ALK: variants seen among roughly 807,000 people sequenced by gnomAD.
ALK encodes ALK receptor tyrosine kinase, also known as ALK tyrosine kinase receptor.
In ALK, 74 loss-of-function variants were observed where a neutral mutation model predicts 163.1. The observed-to-expected ratio is 0.45, with a 90% CI of 0.38 to 0.55. ALK has a LOEUF of 0.55. ALK is among the 20% of genes least tolerant of loss of function. The pLI is 0.00. For missense variants in ALK, 2,063 were observed against 2,105.3 expected (o/e 0.98, Z 0.39); for synonymous variants, 960 against 843.2 (o/e 1.14, Z -2.40).
At chr2:29,271,402 T>C (rs1361924441) in intron 11 of ALK, among the ~76,000 whole-genome samples, 3 of 152,244 alleles carry the variant, frequency 2.0e-5, no homozygotes, top group Non-Finnish European at 4.4e-5. Context: ...TGTGTGAAAG[T>C]GGACAGCCTG....
At chr2:29,446,687 G>A (rs7573496) in intron 4 of ALK, among the ~76,000 whole-genome samples, 3,127 of 152,260 alleles carry the variant, frequency 0.021, 94 homozygotes, top group African/African-American at 0.07. Context: ...TGACATACTT[G>A]GAATTAAGGC....
intron 3 of ALK, among the ~76,000 whole-genome samples, chr2:29,603,813 C>A (rs1386855811): frequency 6.6e-6 from 1 of 152,082 alleles, no homozygotes; most frequent in Non-Finnish European, 1.5e-5. Context: ...GCTTATGATT[C>A]CCCCTATGCC....
chr2:29,714,400 T>C (rs1679190334), intron 2 of ALK, among the ~76,000 whole-genome samples: 1 of 152,198 alleles, frequency 6.6e-6, no homozygotes, highest in African/African-American at 2.4e-5. Context: ...GGTCAAACTT[T>C]TTCCTCAAGC....
intron 1 of ALK, among the ~76,000 whole-genome samples, chr2:29,799,532 A>G (rs930807874): frequency 1.3e-5 from 2 of 151,820 alleles, no homozygotes; most frequent in African/African-American, 4.8e-5. Flanking sequence ...CAAACAAACA[A>G]ACAAAAAACA....
At chr2:29,741,297 C>T (rs1680051997) in intron 1 of ALK, among the ~76,000 whole-genome samples, 1 of 152,070 alleles carries the variant, frequency 6.6e-6, no homozygotes, top group Non-Finnish European at 1.5e-5. Flanking sequence ...AAAAGTGAAC[C>T]CTAATGTAAA....
intron 4 of ALK, among the ~76,000 whole-genome samples, chr2:29,404,504 A>T (rs2148317632): frequency 6.6e-6 from 1 of 152,322 alleles, no homozygotes; most frequent in East Asian, 1.9e-4. Flanking sequence ...ACTGTTCTAG[A>T]GGTAGGGCAA....
At chr2:29,715,182 T>C (rs778963654) in intron 2 of ALK, among the ~76,000 whole-genome samples, 1 of 152,196 alleles carries the variant, frequency 6.6e-6, no homozygotes, top group African/African-American at 2.4e-5. Flanking sequence ...GGCAGAAAGA[T>C]GTAAAGCCTC....
At chr2:29,213,778 A>G (rs755049334) in intron 24 of ALK, among the ~76,000 whole-genome samples, 1 of 152,170 alleles carries the variant, frequency 6.6e-6, no homozygotes, top group African/African-American at 2.4e-5. Flanking sequence ...GAGCCCAGAA[A>G]TTCGAGACCA....
In ALK at chr2:29,235,856, CTTTTTTTTTTTT is replaced by C. The variant is rs569363324; in HGVS notation, c.2356-2172_2356-2161del. 8.8e-3 allele frequency among the ~76,000 whole-genome samples: 337 copies of C among 38,312 alleles called. 2 individuals are homozygous for C. The Middle Eastern group carries it at 0.088, about 10-fold the overall frequency. The allele number at this position is 38,312 out of a possible 152,430, so 25.1% of individuals were successfully genotyped here. ...TACAGGCACAAGCTACCAGGCTCGA[CTTTTTTTTTTTT>C]TTTTTTTTTTTTTTTTTTTTTAAGA... On this transcript the variant is annotated intron_variant, in intron 13 of 28. Transcript: ENST00000389048.
intron 2 of ALK, among the ~76,000 whole-genome samples, chr2:29,705,132 C>A (rs1188126924): frequency 6.7e-6 from 1 of 149,610 alleles, no homozygotes; most frequent in Non-Finnish European, 1.5e-5. Flanking sequence ...GCAGGAGAAT[C>A]GCTTGAACTC....
In ALK at chr2:29,244,357, A is replaced by C. The variant is rs150043839; in HGVS notation, c.2205-4527T>G. Among the ~76,000 whole-genome samples, 525 of 152,264 alleles carry C rather than the reference A, an allele frequency of 3.4e-3. 2 individuals are homozygous for C. The highest frequency in any genetic ancestry group is 6.8e-3 in the Middle Eastern group (2 of 294). ...ATTGTGATGACACATGACGCGTGTG[A>C]GTGTGGACGGAGCTTGGTCAGCGGG... is the stretch of plus-strand genomic sequence containing the variant. On this transcript the variant is annotated intron_variant, in intron 12 of 28. Transcript: ENST00000389048.
At chr2:29,631,807 A>G (rs760381228) in intron 3 of ALK, among the ~76,000 whole-genome samples, 2 of 152,216 alleles carry the variant, frequency 1.3e-5, no homozygotes, top group South Asian at 4.1e-4. Context: ...ATCCCATTCC[A>G]TGTGTCCTAC....
chr2:29,265,548 C>T (rs2148208435), intron 11 of ALK, among the ~76,000 whole-genome samples: 1 of 152,316 alleles, frequency 6.6e-6, no homozygotes, highest in Non-Finnish European at 1.5e-5. Context: ...CAACCACACA[C>T]TAAGCCTTGT....
intron 2 of ALK, among the ~76,000 whole-genome samples, chr2:29,702,033 G>A (rs1483596823): frequency 6.6e-6 from 1 of 152,000 alleles, no homozygotes; most frequent in Non-Finnish European, 1.5e-5. Context: ...GCAGGAAACA[G>A]TGTACGAGCT....
intron 23 of ALK, among the ~76,000 whole-genome samples, chr2:29,216,624 G>A (rs1265966117): frequency 1.3e-5 from 2 of 152,086 alleles, no homozygotes; most frequent in Non-Finnish European, 2.9e-5. Flanking sequence ...TGTCTGTGGT[G>A]TGCGTGTGTA....
chr2:29,672,862 T>C (rs150146868), intron 3 of ALK, among the ~76,000 whole-genome samples: 93,413 of 111,864 alleles, frequency 0.84, 39,170 homozygotes, highest in African/African-American at 0.93. Flanking sequence ...TTTTAATGAT[T>C]GCCATTCTAA....
intron 25 of ALK, among the ~76,000 whole-genome samples, chr2:29,209,172 C>T (rs1184332368): frequency 6.6e-6 from 1 of 152,124 alleles, no homozygotes; most frequent in Non-Finnish European, 1.5e-5. Flanking sequence ...GGTCTTTCCA[C>T]ATCAAGTATC....
chr2:29,893,976 G>A (rs533714442), intron 1 of ALK, among the ~76,000 whole-genome samples: 1 of 152,256 alleles, frequency 6.6e-6, no homozygotes, highest in South Asian at 2.1e-4. Context: ...CCTTAGCAGA[G>A]TGCTTGGCAC....
chr2:29,566,280 G>A (rs1372987554), intron 3 of ALK, among the ~76,000 whole-genome samples: 2 of 152,196 alleles, frequency 1.3e-5, no homozygotes, highest in Admixed American at 6.5e-5. Flanking sequence ...GGCATCTTGG[G>A]TTTACACCGA....
Sources: gnomAD v4.1 joint callset for allele counts (sites outside exome capture counted in the v4.1 genomes callset) on GRCh38, gnomAD v4.1.1 for gene constraint, MANE v1.5 for transcripts, NCBI Gene and HGNC (gene_info 2026-07-23, HGNC 2026-07-21) for gene names.